The following SETX variants were observed in gnomAD, a reference collection of about 807,000 sequenced individuals.
SETX encodes the protein senataxin.
Under a neutral mutation model 227.2 loss-of-function variants are expected in SETX, and 90 were observed. That is an observed-to-expected ratio of 0.40 (90% CI 0.33 to 0.47). SETX has a LOEUF of 0.47. Among genes scored for constraint, SETX ranks in the 20% least tolerant of loss-of-function variants. The pLI is 0.91. For missense variants in SETX, 3,052 were observed against 3,181.5 expected, an observed-to-expected ratio of 0.96 and a Z score of 0.98; for synonymous variants, 1,210 against 1,113.2, an observed-to-expected ratio of 1.09 and a Z score of -1.73.
chr9:132,285,749 G>A (rs150821352), intron 18 of SETX, among the ~76,000 whole-genome samples: 44 of 148,374 alleles, frequency 3.0e-4, no homozygotes, highest in Middle Eastern at 3.5e-3. Flanking sequence ...GCGTGGTGGC[G>A]CACACCTGTA....
In SETX at chr9:132,328,284, T is replaced by C; in HGVS notation, c.3314A>G (p.Asp1105Gly). The C allele has an allele frequency of 2.5e-6, 4 of 1,614,116 alleles. No individual in the cohort carries two copies. The highest frequency in any genetic ancestry group is 3.4e-6 in the Non-Finnish European group (4 of 1,180,022). The change falls in exon 10 of 26, where the codon GAT (aspartate) becomes GGT (glycine). Residue 1105 changes from aspartate to glycine, a missense_variant. Asp to Gly is a moderately conservative substitution (Grantham distance 94, BLOSUM62 -1). Transcript: ENST00000224140. ...DHPDDNNSVQ[D>G]GEKKCLAPIA... ...AGGAGCCAAACATTTTTTCTCACCA[T>C]CTTGAACTGAATTATTATCGTCTGG...
chr9:132,307,420 C>A (rs1031376978), intron 11 of SETX, among the ~76,000 whole-genome samples: 2 of 151,876 alleles, frequency 1.3e-5, no homozygotes, highest in Non-Finnish European at 2.9e-5. Context: ...GTATTACCCA[C>A]TAACAGCATA....
At chr9:132,273,174 T>G (rs572150685) in intron 23 of SETX, among the ~76,000 whole-genome samples, 141 of 152,172 alleles carry the variant, frequency 9.3e-4, no homozygotes, top group South Asian at 1.7e-3. Context: ...GTTTTTTTTT[T>G]GTTTTGAGAT....
chr9:132,338,743 T>C (rs1589767275), intron 5 of SETX, among the ~76,000 whole-genome samples: 2 of 152,274 alleles, frequency 1.3e-5, no homozygotes, highest in South Asian at 2.1e-4. Flanking sequence ...TTGTTAGTAA[T>C]ATGATTATCT....
In SETX at chr9:132,264,448, G is replaced by A. The variant is rs765888424; in HGVS notation, c.7825C>T (p.Pro2609Ser). Reference sequence around the variant, plus strand: ...GTGGAAGCCTCGGGACTGGCAGCTGGAGGTTCGCCCCGCACGGGAGGTTTG... The same window carrying A: ...GTGGAAGCCTCGGGACTGGCAGCTGAAGGTTCGCCCCGCACGGGAGGTTTG... ...SHKPPVRGEPPAASPEASTCQ... is the reference protein window; with the variant it reads ...SHKPPVRGEPSAASPEASTCQ... Residue 2609 changes from proline (P) to serine (S), a missense_variant, in exon 26 of 26, where the codon CCA becomes TCA. Physicochemically the swap from Pro to Ser is moderately conservative, Grantham distance 74. This residue lies in a region of SETX where 294 missense variants were observed against 278.8 expected (regional missense o/e 1.05). Coordinates refer to ENST00000224140, the MANE Select transcript of SETX (RefSeq NM_015046.7). 2 of 1,613,868 alleles carry A rather than the reference G, an allele frequency of 1.2e-6. No homozygotes were observed. The highest frequency in any genetic ancestry group is 2.7e-5 in the African/African-American group (2 of 74,892).
chr9:132,268,788 A>G (rs1452838274), intron 25 of SETX, among the ~76,000 whole-genome samples: 1 of 152,248 alleles, frequency 6.6e-6, no homozygotes, highest in Non-Finnish European at 1.5e-5. Flanking sequence ...TTTTCTATCA[A>G]CTTAAAAATA....
At position 132,307,967 on chromosome 9, in the gene SETX, G is replaced by A. The variant is rs550844582; in HGVS notation, c.5374+3790C>T. ...GCTGGGATTACAGGCCTGAGCCACC[G>A]CACCCGGACTACTAGTGAATTAAAC... On this transcript the variant is annotated intron_variant, in intron 11 of 25. Coordinates refer to ENST00000224140, the MANE Select transcript of SETX (RefSeq NM_015046.7). 9.6e-4 allele frequency among the ~76,000 whole-genome samples: 146 copies of A among 151,884 alleles called. 2 individuals carry two copies. The highest frequency in any genetic ancestry group is 7.4e-4 in the Non-Finnish European group (50 of 67,958).
At chr9:132,335,134 T>TA (rs965600331) in intron 6 of SETX, among the ~76,000 whole-genome samples, 1 of 152,036 alleles carries the variant, frequency 6.6e-6, no homozygotes, top group Admixed American at 6.6e-5. Context: ...CTCACACCTG[T>TA]AATCCCAGCA....
chr9:132,335,752 T>G (rs538515495), intron 6 of SETX, among the ~76,000 whole-genome samples: 5 of 152,134 alleles, frequency 3.3e-5, no homozygotes, highest in Admixed American at 2.6e-4. Flanking sequence ...GTAAACAAGA[T>G]TCGATTCATT....
intron 23 of SETX, among the ~76,000 whole-genome samples, chr9:132,273,750 A>G (rs1181288100): frequency 6.6e-6 from 1 of 152,028 alleles, no homozygotes; most frequent in Non-Finnish European, 1.5e-5. Flanking sequence ...ATGAAGAGAG[A>G]GTTTTACTTT....
At chr9:132,343,275 T>C (rs376294793) in intron 4 of SETX, among the ~76,000 whole-genome samples, 5 of 152,068 alleles carry the variant, frequency 3.3e-5, no homozygotes, top group South Asian at 2.1e-4. Context: ...GCTGAGATCA[T>C]GCCATTACAC....
At chr9:132,320,955 G>T (rs914250701) in intron 10 of SETX, among the ~76,000 whole-genome samples, 1 of 151,750 alleles carries the variant, frequency 6.6e-6, no homozygotes, top group African/African-American at 2.4e-5. Flanking sequence ...GATGGCTGGA[G>T]GGCAACTGTT....
chr9:132,353,212 C>T (rs956245187), intron 2 of SETX, among the ~76,000 whole-genome samples: 5 of 152,126 alleles, frequency 3.3e-5, no homozygotes, highest in Non-Finnish European at 5.9e-5. Flanking sequence ...CACATCATCT[C>T]TTTCCTCCAC....
intron 2 of SETX, among the ~76,000 whole-genome samples, chr9:132,350,225 C>G (rs577538496): frequency 1.3e-5 from 2 of 152,154 alleles, no homozygotes; most frequent in Non-Finnish European, 2.9e-5. Flanking sequence ...TGGTGCGCAT[C>G]TGCAATCCTA....
At chr9:132,339,635 GGA>G (rs1847843233) in intron 5 of SETX, among the ~76,000 whole-genome samples, 2 of 152,070 alleles carry the variant, frequency 1.3e-5, no homozygotes, top group African/African-American at 4.8e-5. Context: ...TTTGTGAGAT[GGA>G]GTTTTGCTCT....
chr9:132,305,389 C>G (rs1331686303), intron 11 of SETX, among the ~76,000 whole-genome samples: 12 of 148,842 alleles, frequency 8.1e-5, no homozygotes, highest in African/African-American at 3.0e-4. Flanking sequence ...GAACAAAAAC[C>G]TCAAAAATGA....
chr9:132,281,652 T>A, intron 19 of SETX, 78 bp from the exon 20 acceptor site: 1 of 1,028,914 alleles, frequency 9.7e-7, no homozygotes, highest in Non-Finnish European at 1.5e-6. Flanking sequence ...ATTAAAGTTC[T>A]AACCATTCAG....
At chr9:132,309,231 A>G (rs142819649) in intron 11 of SETX, among the ~76,000 whole-genome samples, 1 of 152,342 alleles carries the variant, frequency 6.6e-6, no homozygotes, top group African/African-American at 2.4e-5. Flanking sequence ...AAACAATGTG[A>G]TATGAGCCCA....
At chr9:132,337,189 AG>A (rs1847682672) in intron 5 of SETX, among the ~76,000 whole-genome samples, 1 of 152,122 alleles carries the variant, frequency 6.6e-6, no homozygotes, top group African/African-American at 2.4e-5. Context: ...ACTAATCTAA[AG>A]GGGAGTGGAA....
Sources: allele counts gnomAD v4.1 joint callset (sites outside exome capture counted in the v4.1 genomes callset), GRCh38; gene constraint gnomAD v4.1.1; regional missense constraint gnomAD v4.1.1; transcripts MANE v1.5; gene names NCBI Gene and HGNC (gene_info 2026-07-23, HGNC 2026-07-21).